Variants in ARHGAP24 observed in about 807,000 individuals in gnomAD.
The protein encoded by ARHGAP24 is rho GTPase-activating protein 24.
In ARHGAP24, 50 loss-of-function variants were observed where a neutral mutation model predicts 76.4. That is an observed-to-expected ratio of 0.65 (90% confidence interval 0.52 to 0.83). The LOEUF (loss-of-function observed/expected upper bound fraction) is 0.83, where lower values mean the gene tolerates loss of function less well. ARHGAP24 is among the 40% of genes least tolerant of loss of function. ARHGAP24 has a pLI of 0.00. For missense variants in ARHGAP24, 930 were observed against 914.2 expected (o/e 1.02, Z -0.22); for synonymous variants, 345 against 323.3 (o/e 1.07, Z -0.72).
rs557971377 is a variant in ARHGAP24 at position 85,599,967 on chromosome 4, T to C, written c.180+29246T>C. On this transcript the variant is annotated intron_variant, in intron 2 of 9. Coordinates refer to ENST00000395184, the MANE Select transcript of ARHGAP24 (RefSeq NM_001025616.3). ...ATAAGGTATCATGGTTTGAGCCTCA[T>C]AGAGCTATCATTTTATTTGGGAAAA... is the stretch of plus-strand genomic sequence containing the variant. Among the ~76,000 whole-genome samples the C allele has an allele frequency of 1.6e-4, 24 of 152,288 alleles. 1 individual carries two copies. The highest frequency in any genetic ancestry group is 1.2e-3 in the South Asian group (6 of 4,832).
chr4:85,718,756 A>G (rs1724822507), intron 2 of ARHGAP24, among the ~76,000 whole-genome samples: 1 of 152,204 alleles, frequency 6.6e-6, no homozygotes, highest in Non-Finnish European at 1.5e-5. Context: ...GTCAAAATAT[A>G]AAATTTATAT....
In ARHGAP24 at chr4:85,626,189, G is replaced by A. The variant is rs1720946768; in HGVS notation, c.180+55468G>A. Among the ~76,000 whole-genome samples, 5 of 152,204 alleles carry A rather than the reference G, an allele frequency of 3.3e-5. No homozygotes were observed. In the South Asian group the frequency reaches 1.0e-3, roughly 31 times the overall value. On this transcript the variant is annotated intron_variant, in intron 2 of 9. Coordinates refer to ENST00000395184, the MANE Select transcript of ARHGAP24 (RefSeq NM_001025616.3). ...CTTGATGGTCTTTACAATTTGGCAT[G>A]TTTTTGCAGTGGCTGTTACTGGTTT...
chr4:85,657,399 T>G (rs572656983), intron 2 of ARHGAP24, among the ~76,000 whole-genome samples: 1 of 152,212 alleles, frequency 6.6e-6, no homozygotes, highest in South Asian at 2.1e-4. Flanking sequence ...ACTTAAAGTT[T>G]CATAACTTTA....
chr4:85,771,532 AACACAGTCACAGGCAC>A (rs1727129703), intron 3 of ARHGAP24, among the ~76,000 whole-genome samples: 2 of 152,232 alleles, frequency 1.3e-5, no homozygotes, highest in South Asian at 4.1e-4. Flanking sequence ...GACTTCTGGA[AACACAGTCACAGGCAC>A]AATCAGAAAT....
At chr4:85,546,912 G>A (rs1321827758) in intron 1 of ARHGAP24, among the ~76,000 whole-genome samples, 4 of 152,010 alleles carry the variant, frequency 2.6e-5, no homozygotes, top group Admixed American at 6.6e-5. Flanking sequence ...CTATTAATAT[G>A]TCTCTATGTA....
At chr4:85,871,440 C>T (rs2110191349) in intron 3 of ARHGAP24, among the ~76,000 whole-genome samples, 1 of 152,294 alleles carries the variant, frequency 6.6e-6, no homozygotes, top group Admixed American at 6.5e-5. Context: ...TTGATCAACT[C>T]TTTCTTTGAC....
intron 3 of ARHGAP24, among the ~76,000 whole-genome samples, chr4:85,765,445 C>CT (rs1179779229): frequency 6.6e-6 from 1 of 151,990 alleles, no homozygotes; most frequent in Non-Finnish European, 1.5e-5. Flanking sequence ...GAAAGATTCA[C>CT]TAAGGTCCAT....
chr4:85,707,226 C>A (rs1374604376), intron 2 of ARHGAP24, among the ~76,000 whole-genome samples: 1 of 152,124 alleles, frequency 6.6e-6, no homozygotes. Context: ...CTTTATAGTA[C>A]TTTAAATTCA....
At chr4:85,664,444 G>A (rs1375590690) in intron 2 of ARHGAP24, among the ~76,000 whole-genome samples, 1 of 150,860 alleles carries the variant, frequency 6.6e-6, no homozygotes, top group African/African-American at 2.5e-5. Flanking sequence ...CAATTTTGTT[G>A]ATCCTTTCAA....
intron 1 of ARHGAP24, among the ~76,000 whole-genome samples, chr4:85,501,899 A>G (rs893098070): frequency 3.9e-5 from 6 of 152,040 alleles, no homozygotes; most frequent in Non-Finnish European, 5.9e-5. Flanking sequence ...TAATTTTTGT[A>G]TAAGGTGTAA....
chr4:85,713,353 T>C (rs1724599945), intron 2 of ARHGAP24, among the ~76,000 whole-genome samples: 1 of 152,124 alleles, frequency 6.6e-6, no homozygotes, highest in African/African-American at 2.4e-5. Flanking sequence ...TATGTTTTTC[T>C]TAGTGCACAA....
At chr4:85,541,105 AC>A (rs1725670206) in intron 1 of ARHGAP24, among the ~76,000 whole-genome samples, 1 of 127,602 alleles carries the variant, frequency 7.8e-6, no homozygotes, top group Non-Finnish European at 1.6e-5. Context: ...TCCGTTTTTG[AC>A]CCAGGAGTCT....
At chr4:85,593,763 T>C (rs1728209035) in intron 2 of ARHGAP24, among the ~76,000 whole-genome samples, 1 of 152,086 alleles carries the variant, frequency 6.6e-6, no homozygotes, top group Non-Finnish European at 1.5e-5. Context: ...AGCTCACTGT[T>C]GATGTGTGGA....
At chr4:85,654,266 A>G (rs1235332603) in intron 2 of ARHGAP24, among the ~76,000 whole-genome samples, 1 of 152,112 alleles carries the variant, frequency 6.6e-6, no homozygotes, top group Admixed American at 6.6e-5. Context: ...CTCTGTGTGT[A>G]CAGCCTGGCA....
At chr4:85,769,964 T>C (rs1413229228) in intron 3 of ARHGAP24, among the ~76,000 whole-genome samples, 1 of 152,226 alleles carries the variant, frequency 6.6e-6, no homozygotes, top group Non-Finnish European at 1.5e-5. Flanking sequence ...GATATACTTA[T>C]ATACTTATGT....
chr4:85,654,278 C>T (rs912659008), intron 2 of ARHGAP24, among the ~76,000 whole-genome samples: 1 of 152,132 alleles, frequency 6.6e-6, no homozygotes, highest in Non-Finnish European at 1.5e-5. Context: ...AGCCTGGCAT[C>T]TCTCTCTTCT....
intron 3 of ARHGAP24, among the ~76,000 whole-genome samples, chr4:85,732,022 T>C (rs1725429968): frequency 1.3e-5 from 2 of 152,248 alleles, no homozygotes; most frequent in Admixed American, 1.3e-4. Flanking sequence ...ATCTTTCCCA[T>C]TGTTCTTTGT....
intron 2 of ARHGAP24, among the ~76,000 whole-genome samples, chr4:85,681,155 T>C (rs541236025): frequency 1.3e-5 from 2 of 152,328 alleles, no homozygotes; most frequent in Admixed American, 1.3e-4. Context: ...CAAGTCTTGC[T>C]TTCTGAACCT....
At chr4:85,546,427 G>C (rs1438500147) in intron 1 of ARHGAP24, among the ~76,000 whole-genome samples, 1 of 152,122 alleles carries the variant, frequency 6.6e-6, no homozygotes, top group Non-Finnish European at 1.5e-5. Flanking sequence ...TTACCTCTAT[G>C]AGTTTTAACT....
Sources: gnomAD v4.1 joint callset for allele counts (sites outside exome capture counted in the v4.1 genomes callset) on GRCh38, gnomAD v4.1.1 for gene constraint, MANE v1.5 for transcripts, NCBI Gene and HGNC (gene_info 2026-07-23, HGNC 2026-07-21) for gene names.